Variants in SYNE1 observed in about 807,000 individuals in gnomAD.
SYNE1 encodes the protein nesprin-1.
A neutral mutation model predicts 1,111.0 loss-of-function variants in SYNE1; 616 were observed. That is an observed-to-expected ratio of 0.55 (90% CI 0.52 to 0.59). The LOEUF (loss-of-function observed/expected upper bound fraction) is 0.59. SYNE1 is among the 20% of genes least tolerant of loss of function. SYNE1 has a pLI of 0.00. For synonymous variants in SYNE1, 3,855 were observed against 3,825.8 expected (o/e 1.01, Z -0.28); for missense variants, 10,006 against 10,417.0 (o/e 0.96, Z 1.72).
At chr6:152,250,661 T>C (rs2088910894) in intron 104 of SYNE1, among the ~76,000 whole-genome samples, 1 of 152,180 alleles carries the variant, frequency 6.6e-6, no homozygotes, top group Non-Finnish European at 1.5e-5. Context: ...ATAACAGCCC[T>C]GGAAAAATCC....
chr6:152,180,147 T>C lies in SYNE1; in HGVS notation c.23449A>G (p.Lys7817Glu). ...GDILIEEMIE[K>E]LKKDYQEEIA... The stretch of plus-strand genomic sequence containing the variant: ...CATGCATTCCATACCTTCTTGAGCT[T>C]CTCTATCATTTCTTCAATGAGAATG... The change falls in exon 129 of 146, where the codon AAG (lysine) becomes GAG (glutamate). Residue 7817 changes from lysine (K) to glutamate (E), a missense_variant. By Grantham distance (56) the Lys-to-Glu change is moderately conservative (BLOSUM62 1). Coordinates refer to ENST00000367255, the MANE Select transcript of SYNE1 (RefSeq NM_182961.4). 1 of 1,614,108 alleles carries C rather than the reference T, an allele frequency of 6.2e-7. No homozygotes were observed. Among genetic ancestry groups the C allele is most frequent in the Non-Finnish European group, 8.5e-7 (1 of 1,179,998 alleles).
At chr6:152,465,884 A>C in intron 17 of SYNE1, 98 bp downstream of exon 17, 1 of 930,198 alleles carries the variant, frequency 1.1e-6, no homozygotes, top group Non-Finnish European at 1.7e-6. Flanking sequence ...TCACTCAAAA[A>C]TTCCACGGAC....
At chr6:152,499,418 T>C (rs1426737600) in intron 10 of SYNE1, among the ~76,000 whole-genome samples, 1 of 151,998 alleles carries the variant, frequency 6.6e-6, no homozygotes, top group Non-Finnish European at 1.5e-5. Context: ...ATATTTAAAA[T>C]GGTATCGATA....
chr6:152,427,921 C>T (rs1048442039), intron 37 of SYNE1, 105 bp from the exon 38 acceptor site: 23 of 1,498,554 alleles, frequency 1.5e-5, no homozygotes, highest in Non-Finnish European at 2.0e-5. Flanking sequence ...GTAAATACAG[C>T]CTCAGTTATC....
intron 119 of SYNE1, among the ~76,000 whole-genome samples, chr6:152,219,505 A>AC (rs1470692126): frequency 4.0e-5 from 6 of 151,856 alleles, no homozygotes; most frequent in Admixed American, 6.5e-5. Context: ...AAAAAAAAAA[A>AC]AACAAACATG....
In SYNE1 at chr6:152,359,631, T is replaced by G. The variant is rs112850733; in HGVS notation, c.10300-173A>C. On this transcript the variant is annotated intron_variant, in intron 64 of 145. Coordinates refer to ENST00000367255, the MANE Select transcript of SYNE1 (RefSeq NM_182961.4). The stretch of plus-strand genomic sequence containing the variant: ...ACAGATATGTGTGTGAATGCATGGG[T>G]GTGTGTGTGTGTGTGTGTGTGTATT... 0.073 allele frequency among the ~76,000 whole-genome samples: 10,607 copies of G among 146,208 alleles called. 637 individuals carry two copies. The highest frequency in any genetic ancestry group is 0.18 in the African/African-American group (6,867 of 38,728).
chr6:152,574,632 C>T (rs190707941), intron 3 of SYNE1, among the ~76,000 whole-genome samples: 7 of 152,272 alleles, frequency 4.6e-5, no homozygotes, highest in Non-Finnish European at 1.5e-5. Context: ...ATAATAGGTG[C>T]TAAGTAAATA....
intron 3 of SYNE1, among the ~76,000 whole-genome samples, chr6:152,588,159 G>T (rs2099546702): frequency 6.6e-6 from 1 of 152,138 alleles, no homozygotes; most frequent in African/African-American, 2.4e-5. Context: ...ACCCCCAGCT[G>T]CTTCATCAGA....
At chr6:152,516,815 G>A (rs1173937383) in intron 6 of SYNE1, among the ~76,000 whole-genome samples, 1 of 151,972 alleles carries the variant, frequency 6.6e-6, no homozygotes, top group East Asian at 1.9e-4. Flanking sequence ...CAAACTCCAG[G>A]GCTCAAGCCA....
chr6:152,480,805 TTTTG>T (rs1321269653), intron 14 of SYNE1: 4 of 456,018 alleles, frequency 8.8e-6, no homozygotes, highest in Admixed American at 4.7e-5. Flanking sequence ...CTTTCTGGGT[TTTTG>T]TTTGTTTGTT....
chr6:152,321,253 T>C lies in SYNE1; in HGVS notation c.16221A>G (p.Leu5407=). The C allele has an allele frequency of 1.2e-6, 2 of 1,613,888 alleles. No homozygotes were observed. The highest frequency in any genetic ancestry group is 1.7e-6 in the Non-Finnish European group (2 of 1,179,902). Reference sequence around the variant, plus strand: ...ATAGGTTTACCTGATCTCGGATCTTTAGATCTAACGCCACTTCAGCCAACT... The same window carrying C: ...ATAGGTTTACCTGATCTCGGATCTTCAGATCTAACGCCACTTCAGCCAACT... The part of the protein sequence containing the change: ...SLQLAEVALD[L]KIRDQIQDKI... The change falls in exon 84 of 146, where the codon CTA becomes CTG. Residue 5407 remains leucine, a synonymous_variant. Coordinates refer to ENST00000367255, the MANE Select transcript of SYNE1 (RefSeq NM_182961.4).
intron 3 of SYNE1, among the ~76,000 whole-genome samples, chr6:152,594,735 A>C (rs1201735183): frequency 6.6e-6 from 1 of 152,140 alleles, no homozygotes; most frequent in African/African-American, 2.4e-5. Context: ...TCTTCCAAGG[A>C]ATTTCTACTG....
chr6:152,356,057 T>A (rs1000286085), intron 66 of SYNE1, among the ~76,000 whole-genome samples: 1 of 152,112 alleles, frequency 6.6e-6, no homozygotes, highest in Non-Finnish European at 1.5e-5. Flanking sequence ...TTCTTAGACT[T>A]TTTTTCAAGA....
chr6:152,537,610 TAA>T (rs1180399317), intron 4 of SYNE1, among the ~76,000 whole-genome samples: 1 of 152,170 alleles, frequency 6.6e-6, no homozygotes. Context: ...TTTATTTAAT[TAA>T]AAGTCAAAAG....
At chr6:152,456,105 A>T in intron 22 of SYNE1, 61 bp from the exon 23 acceptor site, 1 of 1,562,744 alleles carries the variant, frequency 6.4e-7, no homozygotes, top group Non-Finnish European at 8.7e-7. Flanking sequence ...AGAGAAAGAA[A>T]GAGAGTGACC....
Position 152,334,000 on chromosome 6 carries a change from T to C in SYNE1, c.12794+8A>G, listed in dbSNP as rs1456919598. On this transcript the variant is annotated splice_region_variant and intron_variant, in intron 77 of 145. Transcript: ENST00000367255. ...CATTTTGGTGACCCATGGGAGAATT[T>C]CTGTTACCTGGCCAAGTTATCCCAT... 3.1e-6 allele frequency: 5 copies of C among 1,614,062 alleles called. No individual in the cohort carries two copies. In the African/African-American group the frequency reaches 6.7e-5, roughly 22 times the overall value.
At chr6:152,306,272 G>T (rs1400842858) in intron 91 of SYNE1, among the ~76,000 whole-genome samples, 1 of 152,126 alleles carries the variant, frequency 6.6e-6, no homozygotes, top group African/African-American at 2.4e-5. Flanking sequence ...GATCACTTGA[G>T]GTCAGGAGTT....
In SYNE1 at chr6:152,122,353, G is replaced by T; in HGVS notation, c.*83C>A. On this transcript the variant is annotated 3_prime_UTR_variant, in exon 146 of 146. Coordinates refer to ENST00000367255, the MANE Select transcript of SYNE1 (RefSeq NM_182961.4). Reference sequence around the variant, plus strand: ...ACCGAGGGCTTTCGCCAAGATCAAGGTCCTCTTGTTGGTAGTTTGGGATTG... The same window carrying T: ...ACCGAGGGCTTTCGCCAAGATCAAGTTCCTCTTGTTGGTAGTTTGGGATTG... The T allele has an allele frequency of 6.2e-7, 1 of 1,609,970 alleles. No individual in the cohort carries two copies. Among genetic ancestry groups the T allele is most frequent in the South Asian group, 1.1e-5 (1 of 90,704 alleles).
At chr6:152,571,069 G>T (rs2099452735) in intron 3 of SYNE1, among the ~76,000 whole-genome samples, 1 of 152,060 alleles carries the variant, frequency 6.6e-6, no homozygotes, top group South Asian at 2.1e-4. Context: ...GGTCTTTTTT[G>T]ACCTACACAG....
Sources: allele counts gnomAD v4.1 joint callset (sites outside exome capture counted in the v4.1 genomes callset), GRCh38; gene constraint gnomAD v4.1.1; transcripts MANE v1.5; gene names NCBI Gene and HGNC (gene_info 2026-07-23, HGNC 2026-07-21).